The following JAKMIP1 variants were observed in gnomAD, a reference collection of about 807,000 sequenced individuals.
JAKMIP1 encodes the protein janus kinase and microtubule-interacting protein 1.
A neutral mutation model predicts 113.0 loss-of-function variants in JAKMIP1; 33 were observed. The observed-to-expected ratio is 0.29, with a 90% CI of 0.22 to 0.39. The LOEUF (loss-of-function observed/expected upper bound fraction) is 0.39, where lower values mean the gene tolerates loss of function less well. Ranked by LOEUF, JAKMIP1 falls within the 10% of genes least tolerant of loss-of-function variation. The pLI, the probability that JAKMIP1 is intolerant of heterozygous loss-of-function variation, is 1.00. For synonymous variants in JAKMIP1, 480 were observed against 459.9 expected, an observed-to-expected ratio of 1.04 and a Z score of -0.56; for missense variants, 813 against 1,080.5, an observed-to-expected ratio of 0.75 and a Z score of 3.47.
At chr4:6,151,148 A>G (rs889217358) in intron 1 of JAKMIP1, among the ~76,000 whole-genome samples, 13 of 152,162 alleles carry the variant, frequency 8.5e-5, no homozygotes, top group African/African-American at 2.9e-4. Flanking sequence ...CCCAACTGTG[A>G]CACGGCCATA....
chr4:6,044,812 C>G lies in JAKMIP1; in HGVS notation c.2029-2585G>C, dbSNP rs1244762158. 1.3e-5 allele frequency among the ~76,000 whole-genome samples: 2 copies of G among 152,204 alleles called. No homozygotes were observed. Among genetic ancestry groups the G allele is most frequent in the African/African-American group, 4.8e-5 (2 of 41,450 alleles). ...AAGCAGAGAGAGCTGGCCATGAGGA[C>G]CCCCGACCACGTGAGATCAGAAATT... On this transcript the variant is annotated intron_variant, in intron 16 of 20. Coordinates refer to ENST00000409021, the MANE Select transcript of JAKMIP1 (RefSeq NM_001099433.2). This position sits in a 1 kb window ranked among gnomAD's most constrained non-coding sequence, Gnocchi z 4.4.
Position 6,066,848 on chromosome 4 carries a change from C to T in JAKMIP1, c.1303-1840G>A, listed in dbSNP as rs113749130. Among the ~76,000 whole-genome samples, 1,117 of 152,268 alleles carry T rather than the reference C, an allele frequency of 7.3e-3. 13 individuals carry two copies. Among genetic ancestry groups the T allele is most frequent in the African/African-American group, 0.025 (1,056 of 41,564 alleles). On this transcript the variant is annotated intron_variant, in intron 8 of 20. Coordinates refer to ENST00000409021, the MANE Select transcript of JAKMIP1 (RefSeq NM_001099433.2). ...GTGGTCTGCGAGGCCCTACAGGATC[C>T]ACCTCCCATCCTGCCCTGGCATCAT...
At chr4:6,035,744 T>C (rs1346506669) in intron 19 of JAKMIP1, among the ~76,000 whole-genome samples, 160 bp downstream of exon 19, 1 of 152,232 alleles carries the variant, frequency 6.6e-6, no homozygotes, top group African/African-American at 2.4e-5. Context: ...CGGGGAGATA[T>C]GATGGGCATC....
Position 6,042,337 on chromosome 4 carries a change from G to T in JAKMIP1, c.2029-110C>A. On this transcript the variant is annotated intron_variant, in intron 16 of 20. Transcript: ENST00000409021. The surrounding 1 kb of genome is among the most constrained non-coding windows in gnomAD (Gnocchi z 5.2). The stretch of plus-strand genomic sequence containing the variant: ...TCATAGATCGGCTTCCTCAGAGTGT[G>T]CTCAGGAATGGGTCAGGTCATGGCA... 1.2e-6 allele frequency: 1 copy of T among 851,744 alleles called. No homozygotes were observed. The highest frequency in any genetic ancestry group is 2.0e-6 in the Non-Finnish European group (1 of 509,628). 52.8% of individuals were successfully genotyped at this position (851,744 alleles called of 1,614,324 possible). A position where few individuals can be genotyped will look rare whatever the true frequency, so the allele number is the denominator to read the frequency against.
At chr4:6,103,986 C>A (rs1239211593) in intron 3 of JAKMIP1, among the ~76,000 whole-genome samples, 1 of 152,114 alleles carries the variant, frequency 6.6e-6, no homozygotes, top group Non-Finnish European at 1.5e-5. Flanking sequence ...TTTAAAATTT[C>A]CTTCCTTCTA....
chr4:6,057,555 A>C (rs935006855), intron 11 of JAKMIP1, among the ~76,000 whole-genome samples: 1 of 152,212 alleles, frequency 6.6e-6, no homozygotes, highest in Admixed American at 6.5e-5. Context: ...TGGCACCTGC[A>C]TCATCCTCAT....
rs1264182180 is a variant in JAKMIP1, at chr4:6,158,353, T to C, written c.-148+41900A>G. 6.6e-6 allele frequency among the ~76,000 whole-genome samples: 1 copy of C among 152,172 alleles called. No homozygotes were observed. The highest frequency in any genetic ancestry group is 6.5e-5 in the Admixed American group (1 of 15,284). ...GGTGGTGTCTGCCTCCCAGTCTGTA[T>C]CCATGTAGGAATCTCAGTGATGGCC... On this transcript the variant is annotated intron_variant, in intron 1 of 20. Transcript: ENST00000409021. The surrounding 1 kb of genome is among the most constrained non-coding windows in gnomAD (Gnocchi z 5.3).
At chr4:6,043,761 C>G (rs374120331) in intron 16 of JAKMIP1, among the ~76,000 whole-genome samples, 1 of 151,708 alleles carries the variant, frequency 6.6e-6, no homozygotes. Flanking sequence ...TCTGCCCCCC[C>G]AGCCAGCAAG....
Position 6,031,281 on chromosome 4 carries a change from T to C in JAKMIP1, c.2380-1500A>G, listed in dbSNP as rs984202972. 2.6e-5 allele frequency among the ~76,000 whole-genome samples: 4 copies of C among 151,860 alleles called. No homozygotes were observed. The highest frequency in any genetic ancestry group is 1.5e-5 in the Non-Finnish European group (1 of 67,980). On this transcript the variant is annotated intron_variant, in intron 19 of 20. Transcript: ENST00000409021. The surrounding 1 kb of genome is among the most constrained non-coding windows in gnomAD (Gnocchi z 4.4). ...AATGTCTCTACTAAAAATACAAAAA[T>C]GAGCCGGGCTTGGTGGTGCGCTCCT...
In JAKMIP1 at chr4:6,065,575, C is replaced by T. The variant is rs116313347; in HGVS notation, c.1303-567G>A. Reference sequence around the variant, plus strand: ...TGACTAGTGTGGCAAATGTGTGGCCCAAGTCCTGGCCAGACCCACACTTAG... The same window carrying T: ...TGACTAGTGTGGCAAATGTGTGGCCTAAGTCCTGGCCAGACCCACACTTAG... On this transcript the variant is annotated intron_variant, in intron 8 of 20. Transcript: ENST00000409021. This position sits in a 1 kb window ranked among gnomAD's most constrained non-coding sequence, Gnocchi z 5.1. 1.1e-3 allele frequency among the ~76,000 whole-genome samples: 168 copies of T among 152,314 alleles called. 2 individuals are homozygous for T. Among genetic ancestry groups the T allele is most frequent in the African/African-American group, 3.8e-3 (156 of 41,546 alleles).
rs965923387 is a variant in JAKMIP1, at chr4:6,065,997, T to G, written c.1303-989A>C. On this transcript the variant is annotated intron_variant, in intron 8 of 20. Transcript: ENST00000409021. This position sits in a 1 kb window ranked among gnomAD's most constrained non-coding sequence, Gnocchi z 5.1. ...ATTTTAGGAACATAGCTTTTTTGGG[T>G]TTTTTTTTCCCAAACAGCCCCCGAC... 3.9e-4 allele frequency among the ~76,000 whole-genome samples: 59 copies of G among 151,394 alleles called. No individual in the cohort carries two copies. The highest frequency in any genetic ancestry group is 1.1e-3 in the African/African-American group (44 of 41,146).
rs545359234 is a variant in JAKMIP1 at position 6,084,694 on chromosome 4, T to C, written c.954+152A>G. 7 of 752,962 alleles carry C rather than the reference T, an allele frequency of 9.3e-6. No individual in the cohort carries two copies. In the Admixed American group the frequency reaches 1.2e-4, roughly 13 times the overall value. The allele number at this position is 752,962 out of a possible 1,614,324, so 46.6% of individuals were successfully genotyped here. ...CAGTAAGAGATTTCTTCAATGAGCA[T>C]GTGTTAGATTTTTAATCGAAAAGAA... On this transcript the variant is annotated intron_variant, in intron 5 of 20. Coordinates refer to ENST00000409021, the MANE Select transcript of JAKMIP1 (RefSeq NM_001099433.2).
intron 1 of JAKMIP1, among the ~76,000 whole-genome samples, chr4:6,134,459 C>G (rs1038469305): frequency 1.3e-5 from 2 of 151,520 alleles, no homozygotes; most frequent in Non-Finnish European, 2.9e-5. Context: ...TCTTTTCCAC[C>G]TGTTCATCTT....
chr4:6,087,758 G>A (rs1180963267), intron 3 of JAKMIP1, among the ~76,000 whole-genome samples: 1 of 152,170 alleles, frequency 6.6e-6, no homozygotes, highest in Non-Finnish European at 1.5e-5. Context: ...GTACTTAAGA[G>A]CTCTCTGAGG....
intron 1 of JAKMIP1, among the ~76,000 whole-genome samples, chr4:6,134,115 T>TA (rs1190557476): frequency 6.6e-6 from 1 of 152,242 alleles, no homozygotes; most frequent in Non-Finnish European, 1.5e-5. Flanking sequence ...TCCCCCATGC[T>TA]GTTCTCATGA....
chr4:6,089,500 C>T lies in JAKMIP1; in HGVS notation c.625-3871G>A, dbSNP rs958575286. ...GACATCATTTACCCCAAGTTACACA[C>T]AAACTTGAGGCCCAGAAAGGGGAAT... On this transcript the variant is annotated intron_variant, in intron 3 of 20. Coordinates refer to ENST00000409021, the MANE Select transcript of JAKMIP1 (RefSeq NM_001099433.2). The surrounding 1 kb of genome is among the most constrained non-coding windows in gnomAD (Gnocchi z 5.3). 2.0e-5 allele frequency among the ~76,000 whole-genome samples: 3 copies of T among 152,194 alleles called. No homozygotes were observed. Among genetic ancestry groups the T allele is most frequent in the South Asian group, 2.1e-4 (1 of 4,814 alleles).
rs1723915232 is a variant in JAKMIP1, at chr4:6,168,332, T to C, written c.-148+31921A>G. On this transcript the variant is annotated intron_variant, in intron 1 of 20. Transcript: ENST00000409021. This position sits in a 1 kb window ranked among gnomAD's most constrained non-coding sequence, Gnocchi z 4.6. The stretch of plus-strand genomic sequence containing the variant: ...GAAAACATATGTGCACACAAAAACA[T>C]GTACACAAACATTCATGGCAGCACG... 6.6e-6 allele frequency among the ~76,000 whole-genome samples: 1 copy of C among 152,166 alleles called. No homozygotes were observed. Among genetic ancestry groups the C allele is most frequent in the Non-Finnish European group, 1.5e-5 (1 of 68,036 alleles).
intron 5 of JAKMIP1, among the ~76,000 whole-genome samples, chr4:6,082,521 T>C (rs1720731149): frequency 6.6e-6 from 1 of 151,976 alleles, no homozygotes; most frequent in Non-Finnish European, 1.5e-5. Flanking sequence ...TGTGTCACTT[T>C]GACAAAGGGT....
intron 1 of JAKMIP1, among the ~76,000 whole-genome samples, chr4:6,118,340 C>T (rs2108902605): frequency 6.6e-6 from 1 of 152,204 alleles, no homozygotes; most frequent in Non-Finnish European, 1.5e-5. Flanking sequence ...GCCTGTCACA[C>T]AGGAAGCATT....
Sources: allele counts gnomAD v4.1 joint callset (sites outside exome capture counted in the v4.1 genomes callset), GRCh38; gene constraint gnomAD v4.1.1; non-coding constraint Gnocchi (gnomAD v3.1); transcripts MANE v1.5; gene names NCBI Gene and HGNC (gene_info 2026-07-23, HGNC 2026-07-21).